The following NPFFR2 variants were observed in gnomAD, a reference collection of about 807,000 sequenced individuals.
NPFFR2 encodes the protein G-protein coupled receptor 74.
In NPFFR2, 15 loss-of-function variants were observed where a neutral mutation model predicts 13.1. The ratio of observed to expected loss-of-function variants is 1.15; its 90% CI spans 0.77 to 1.76. The LOEUF is 1.76. NPFFR2 is among the 40% of genes most tolerant of loss of function. NPFFR2 has a pLI of 0.00. For missense variants in NPFFR2, 572 were observed against 503.5 expected, an observed-to-expected ratio of 1.14 and a Z score of -1.30; for synonymous variants, 190 against 175.7, an observed-to-expected ratio of 1.08 and a Z score of -0.65.
At position 72,147,534 on chromosome 4, in the gene NPFFR2, A is replaced by C. The variant is rs1022049357; in HGVS notation, c.985A>C (p.Asn329His). Reference protein sequence around the residue: ...HWLAFGNSSVNPIIYGFFNEN... With the variant: ...HWLAFGNSSVHPIIYGFFNEN... ...GCTGGCATTCGGCAACAGCAGTGTC[A>C]ATCCCATCATTTATGGTTTCTTCAA... The change falls in exon 4 of 4, where the codon AAT becomes CAT. Residue 329 changes from asparagine to histidine, a missense_variant. Coordinates refer to ENST00000308744, the MANE Select transcript of NPFFR2 (RefSeq NM_004885.3). 2 of 1,614,186 alleles carry C rather than the reference A, an allele frequency of 1.2e-6. No homozygotes were observed. Among genetic ancestry groups the C allele is most frequent in the Non-Finnish European group, 8.5e-7 (1 of 1,180,034 alleles).
At chr4:72,099,448 G>C (rs1721166638) in intron 1 of NPFFR2, among the ~76,000 whole-genome samples, 4 of 152,206 alleles carry the variant, frequency 2.6e-5, no homozygotes, top group Admixed American at 1.3e-4. Flanking sequence ...ATTGGCTCAG[G>C]GTTCTGCAGG....
intron 1 of NPFFR2, among the ~76,000 whole-genome samples, chr4:72,101,146 C>T (rs923958520): frequency 1.3e-5 from 2 of 151,890 alleles, no homozygotes; most frequent in Non-Finnish European, 2.9e-5. Context: ...AAAATAAATA[C>T]GTTTGCCAAA....
At chr4:72,101,828 A>G (rs1380237019) in intron 1 of NPFFR2, among the ~76,000 whole-genome samples, 1 of 152,040 alleles carries the variant, frequency 6.6e-6, no homozygotes, top group Non-Finnish European at 1.5e-5. Context: ...TCCAGCTGGG[A>G]CTCATGGGCA....
intron 1 of NPFFR2, among the ~76,000 whole-genome samples, chr4:72,074,862 A>T (rs1001983722): frequency 6.6e-6 from 1 of 150,834 alleles, no homozygotes; most frequent in African/African-American, 2.4e-5. Context: ...AAAAATTCAG[A>T]AGAATGGCTA....
intron 1 of NPFFR2, among the ~76,000 whole-genome samples, chr4:72,091,633 C>T (rs923209818): frequency 4.6e-5 from 7 of 151,982 alleles, no homozygotes; most frequent in Non-Finnish European, 7.4e-5. Context: ...AGGCATTCAT[C>T]GTAGCCTTGA....
intron 3 of NPFFR2, among the ~76,000 whole-genome samples, chr4:72,141,089 T>C (rs1722602564): frequency 6.6e-6 from 1 of 152,094 alleles, no homozygotes; most frequent in Non-Finnish European, 1.5e-5. Flanking sequence ...TGTATTTCTG[T>C]GGGATCAGTG....
chr4:72,038,319 A>G (rs141672214), intron 1 of NPFFR2, among the ~76,000 whole-genome samples: 4 of 152,154 alleles, frequency 2.6e-5, no homozygotes, highest in African/African-American at 4.8e-5. Flanking sequence ...TTATTCCCCA[A>G]AATGAAATAT....
intron 2 of NPFFR2, among the ~76,000 whole-genome samples, chr4:72,129,150 T>C (rs1722159759): frequency 6.6e-6 from 1 of 152,134 alleles, no homozygotes; most frequent in African/African-American, 2.4e-5. Flanking sequence ...AGTGATATAA[T>C]AGAAACAGAA....
intron 1 of NPFFR2, among the ~76,000 whole-genome samples, chr4:72,106,619 C>T (rs896146241): frequency 1.3e-5 from 2 of 151,964 alleles, no homozygotes; most frequent in African/African-American, 4.8e-5. Context: ...AGGACTTTCC[C>T]TGCCTCTTTC....
chr4:72,048,435 T>A (rs1719441417), intron 1 of NPFFR2, among the ~76,000 whole-genome samples: 1 of 152,170 alleles, frequency 6.6e-6, no homozygotes, highest in Admixed American at 6.6e-5. Flanking sequence ...CAATCTTAAT[T>A]TTTCTTGGCC....
intron 1 of NPFFR2, among the ~76,000 whole-genome samples, chr4:72,042,886 C>T (rs13121916): frequency 0.89 from 135,463 of 152,242 alleles, 61,410 homozygotes; most frequent in Non-Finnish European, 0.98. Flanking sequence ...TCATAAGTAA[C>T]GAGGAGCAGA....
At chr4:72,065,235 A>G (rs530655061) in intron 1 of NPFFR2, among the ~76,000 whole-genome samples, 44 of 152,330 alleles carry the variant, frequency 2.9e-4, no homozygotes, top group Non-Finnish European at 5.0e-4. Flanking sequence ...GTGGAAAGAA[A>G]TGACATTAAC....
At chr4:72,040,921 C>A (rs1719195674) in intron 1 of NPFFR2, among the ~76,000 whole-genome samples, 1 of 72,314 alleles carries the variant, frequency 1.4e-5, no homozygotes, top group Admixed American at 2.3e-4. Context: ...TTAGTCACTG[C>A]TGTAAAATAT....
At chr4:72,096,145 C>T (rs951438465) in intron 1 of NPFFR2, among the ~76,000 whole-genome samples, 1 of 152,072 alleles carries the variant, frequency 6.6e-6, no homozygotes, top group African/African-American at 2.4e-5. Context: ...TAATTCCCTA[C>T]CTTTACAAAG....
chr4:72,045,902 T>C (rs961851262), intron 1 of NPFFR2, among the ~76,000 whole-genome samples: 3 of 152,166 alleles, frequency 2.0e-5, no homozygotes, highest in Non-Finnish European at 4.4e-5. Flanking sequence ...AGATTTTTAC[T>C]TGCTTTGATC....
chr4:72,141,620 AGT>A (rs1722628234), intron 3 of NPFFR2, among the ~76,000 whole-genome samples: 1 of 152,138 alleles, frequency 6.6e-6, no homozygotes, highest in Non-Finnish European at 1.5e-5. Context: ...CTGTGGTCTG[AGT>A]GACAGTTTGT....
chr4:72,137,730 C>T (rs1722461017), intron 2 of NPFFR2, among the ~76,000 whole-genome samples: 1 of 151,990 alleles, frequency 6.6e-6, no homozygotes, highest in African/African-American at 2.4e-5. Context: ...TATTTGTTAC[C>T]TCGTCTATAT....
intron 1 of NPFFR2, among the ~76,000 whole-genome samples, chr4:72,090,220 C>T (rs1440238072): frequency 6.6e-6 from 1 of 152,108 alleles, no homozygotes; most frequent in Non-Finnish European, 1.5e-5. Flanking sequence ...GTTGTGGTGA[C>T]TATGGCCTTA....
At chr4:72,146,563 G>A (rs1404911075) in intron 3 of NPFFR2, 2 of 178,190 alleles carry the variant, frequency 1.1e-5, no homozygotes, top group South Asian at 1.3e-4. Context: ...ACGATGTAGA[G>A]GTTGAGTTTG....
Sources: allele counts gnomAD v4.1 joint callset (sites outside exome capture counted in the v4.1 genomes callset), GRCh38; gene constraint gnomAD v4.1.1; transcripts MANE v1.5; gene names NCBI Gene and HGNC (gene_info 2026-07-23, HGNC 2026-07-21).